CERS3: variants seen among roughly 807,000 people sequenced by gnomAD.
The protein encoded by CERS3 is LAG1 homolog, ceramide synthase 3.
CERS3 carries 33 observed loss-of-function variants against 50.3 expected under a neutral mutation model. The observed-to-expected ratio is 0.66, with a 90% CI of 0.50 to 0.88. CERS3 has a LOEUF of 0.88. CERS3 is among the 40% of genes least tolerant of loss of function. The pLI, the probability that CERS3 is intolerant of heterozygous loss-of-function variation, is 0.00. For synonymous variants in CERS3, 176 were observed against 155.2 expected (o/e 1.13, Z -0.99); for missense variants, 470 against 460.3 (o/e 1.02, Z -0.19).
chr15:100,494,669 T>C (rs1399147321), intron 3 of CERS3, among the ~76,000 whole-genome samples: 2 of 152,218 alleles, frequency 1.3e-5, no homozygotes, highest in East Asian at 3.9e-4. Context: ...AGTAAGTCTC[T>C]CAGTCTTTCC....
intron 10 of CERS3, among the ~76,000 whole-genome samples, chr15:100,462,044 G>A (rs941119013): frequency 1.3e-5 from 2 of 152,148 alleles, no homozygotes; most frequent in Non-Finnish European, 2.9e-5. Context: ...GCATACATGT[G>A]TGCAGGCACA....
chr15:100,489,707 A>T (rs527717977), intron 4 of CERS3, among the ~76,000 whole-genome samples: 1 of 152,354 alleles, frequency 6.6e-6, no homozygotes, highest in South Asian at 2.1e-4. Context: ...CAGTGGTAAC[A>T]AAAGGATTTA....
intron 3 of CERS3, among the ~76,000 whole-genome samples, chr15:100,497,284 C>G (rs574692027): frequency 1.3e-4 from 19 of 150,408 alleles, no homozygotes; most frequent in Admixed American, 6.0e-4. Context: ...GAGACACACA[C>G]AGAGAGAGAG....
intron 1 of CERS3, among the ~76,000 whole-genome samples, chr15:100,539,995 C>T (rs925185019): frequency 1.3e-5 from 2 of 152,170 alleles, no homozygotes; most frequent in African/African-American, 2.4e-5. Flanking sequence ...AAATTACTTT[C>T]TTGCTCCAGA....
intron 11 of CERS3, among the ~76,000 whole-genome samples, chr15:100,446,364 G>GT (rs11449303): frequency 0.46 from 58,313 of 128,160 alleles, 13,369 homozygotes; most frequent in Non-Finnish European, 0.52. Flanking sequence ...AACTTCTCAG[G>GT]TTTTTTTTTT....
At chr15:100,408,703 C>T (rs983206194) in intron 11 of CERS3, 5 of 152,136 alleles carry the variant, frequency 3.3e-5, no homozygotes, top group African/African-American at 1.2e-4. Context: ...GCGTGTCATG[C>T]AAGCTTGAAT....
chr15:100,417,772 C>T (rs947655210), intron 11 of CERS3, among the ~76,000 whole-genome samples: 2 of 151,914 alleles, frequency 1.3e-5, no homozygotes, highest in African/African-American at 4.9e-5. Flanking sequence ...GGTCCCTGAC[C>T]CCTGACCCCT....
intron 11 of CERS3, among the ~76,000 whole-genome samples, chr15:100,433,392 C>A (rs1010213521): frequency 1.3e-5 from 2 of 152,074 alleles, no homozygotes; most frequent in Non-Finnish European, 2.9e-5. Flanking sequence ...GAACATATAG[C>A]TTCAGGTTTC....
chr15:100,427,397 T>A (rs1046851332), intron 11 of CERS3, among the ~76,000 whole-genome samples: 1 of 152,200 alleles, frequency 6.6e-6, no homozygotes, highest in African/African-American at 2.4e-5. Flanking sequence ...TAAGTGGAAA[T>A]GAATAACATT....
chr15:100,454,867 C>T (rs370960000), intron 11 of CERS3, among the ~76,000 whole-genome samples: 69 of 152,178 alleles, frequency 4.5e-4, no homozygotes, highest in South Asian at 3.5e-3. Flanking sequence ...AACAGCTCAA[C>T]AGTAAAACAA....
chr15:100,526,826 A>G (rs1034528060), intron 1 of CERS3, among the ~76,000 whole-genome samples: 2 of 152,208 alleles, frequency 1.3e-5, no homozygotes, highest in Admixed American at 6.5e-5. Flanking sequence ...TGTCAAGAGC[A>G]TGAAGAAATC....
intron 11 of CERS3, among the ~76,000 whole-genome samples, chr15:100,446,101 A>T (rs548140906): frequency 6.6e-6 from 1 of 151,374 alleles, no homozygotes; most frequent in Non-Finnish European, 1.5e-5. Flanking sequence ...CCCTTCACTG[A>T]CTCTCTTTTC....
At chr15:100,415,118 G>A (rs1036435881) in intron 11 of CERS3, among the ~76,000 whole-genome samples, 1 of 152,174 alleles carries the variant, frequency 6.6e-6, no homozygotes, top group African/African-American at 2.4e-5. Flanking sequence ...TAAAGGATAT[G>A]AACAGACACT....
intron 11 of CERS3, among the ~76,000 whole-genome samples, chr15:100,412,313 C>A (rs554751616): frequency 1.3e-5 from 2 of 152,020 alleles, no homozygotes; most frequent in South Asian, 2.1e-4. Flanking sequence ...CACCATTTGT[C>A]GAAAAGACTC....
chr15:100,497,049 G>GAAGA, intron 3 of CERS3, among the ~76,000 whole-genome samples: 1 of 152,182 alleles, frequency 6.6e-6, no homozygotes, highest in East Asian at 1.9e-4. Flanking sequence ...TTTTAAAAAA[G>GAAGA]AAGAAAGAAA....
chr15:100,520,629 G>A (rs2036613023), intron 2 of CERS3, among the ~76,000 whole-genome samples: 1 of 152,164 alleles, frequency 6.6e-6, no homozygotes, highest in African/African-American at 2.4e-5. Context: ...TCACTAAAAA[G>A]CAGGCTGGGA....
upstream of CERS3, among the ~76,000 whole-genome samples, chr15:100,533,785 C>G: frequency 6.6e-6 from 1 of 152,102 alleles, no homozygotes; most frequent in Non-Finnish European, 1.5e-5. Context: ...GTCTCGATCT[C>G]CTGACCTCGT....
intron 11 of CERS3, among the ~76,000 whole-genome samples, chr15:100,447,664 C>T (rs2142172685): frequency 6.6e-6 from 1 of 152,370 alleles, no homozygotes; most frequent in South Asian, 2.1e-4. Context: ...TCAACTCAAA[C>T]TCCATCACTC....
chr15:100,402,610 G>C lies in CERS3; in HGVS notation c.*103C>G, dbSNP rs2030632687. 5.1e-6 allele frequency: 6 copies of C among 1,171,566 alleles called. No homozygotes were observed. The highest frequency in any genetic ancestry group is 7.2e-6 in the Non-Finnish European group (6 of 833,672). 72.6% of individuals were successfully genotyped at this position (1,171,566 alleles called of 1,614,324 possible). On this transcript the variant is annotated 3_prime_UTR_variant, in exon 12 of 12. Coordinates refer to ENST00000679737, the MANE Select transcript of CERS3 (RefSeq NM_001378789.1). ...TAGGTGGGAGGGAAGGCGGTGGTGAGAAAGAGGGAAGGGCAGAATGTGGGG... is the reference window on the plus strand; with the variant it reads ...TAGGTGGGAGGGAAGGCGGTGGTGACAAAGAGGGAAGGGCAGAATGTGGGG...
Sources: gnomAD v4.1 joint callset for allele counts (sites outside exome capture counted in the v4.1 genomes callset) on GRCh38, gnomAD v4.1.1 for gene constraint, MANE v1.5 for transcripts, NCBI Gene and HGNC (gene_info 2026-07-23, HGNC 2026-07-21) for gene names.